SH3KBP1: variants seen among roughly 807,000 people sequenced by gnomAD.
The protein encoded by SH3KBP1 is SH3 domain containing kinase binding protein 1.
Under a neutral mutation model 50.1 loss-of-function variants are expected in SH3KBP1, and 8 were observed. That is an observed-to-expected ratio of 0.16 (90% CI 0.09 to 0.29). SH3KBP1 has a LOEUF of 0.29. Among genes scored for constraint, SH3KBP1 ranks in the 10% least tolerant of loss-of-function variants. The pLI, the probability that SH3KBP1 is intolerant of heterozygous loss-of-function variation, is 1.00. For synonymous variants in SH3KBP1, 227 were observed against 218.6 expected (o/e 1.04, Z -0.34); for missense variants, 377 against 535.2 (o/e 0.70, Z 2.92).
intron 6 of SH3KBP1, among the ~76,000 whole-genome samples, chrX:19,664,256 A>G (rs765892550): frequency 8.1e-5 from 9 of 111,579 alleles, no homozygotes; most frequent in Admixed American, 2.9e-4. Context: ...TAATTTCTTA[A>G]CCATCTTCAC....
chrX:19,760,041 C>CT lies in SH3KBP1; in HGVS notation c.163-13601_163-13600insA, dbSNP rs1472663912. Among the ~76,000 whole-genome samples, 53 of 50,438 alleles carry CT rather than the reference C, an allele frequency of 1.1e-3. 1 individual carries two copies. Among genetic ancestry groups the CT allele is most frequent in the African/African-American group, 3.5e-3 (38 of 10,752 alleles). The allele number at this position is 50,438 out of a possible 115,157, so 43.8% of individuals were successfully genotyped here. A position where few individuals can be genotyped will look rare whatever the true frequency, so the allele number is the denominator to read the frequency against. ...TCTCTCTCCTCTCTCTCTCTCTCTC[C>CT]CTCTCTCTCTCTCTCTCTCTCTCTC... On this transcript the variant is annotated intron_variant, in intron 2 of 17. Coordinates refer to ENST00000397821, the MANE Select transcript of SH3KBP1 (RefSeq NM_031892.3).
chrX:19,841,907 C>T (rs757521005), intron 1 of SH3KBP1, among the ~76,000 whole-genome samples: 1 of 6,409 alleles, frequency 1.6e-4, no homozygotes, highest in Non-Finnish European at 3.7e-4. Flanking sequence ...ACCATTGATG[C>T]GGGCGGGGGG....
At position 19,585,884 on chromosome X, in the gene SH3KBP1, G is replaced by A. The variant is rs762193025; in HGVS notation, c.1298+2759C>T. Among the ~76,000 whole-genome samples the A allele has an allele frequency of 2.9e-4, 32 of 111,709 alleles. No homozygotes were observed. The South Asian group carries it at 3.8e-3, about 13-fold the overall frequency. On this transcript the variant is annotated intron_variant, in intron 12 of 17. Transcript: ENST00000397821. ...AGCAGGCACTGCCCTCCCTTAAACC[G>A]GCTAAGCAGGAATCTCAGGGCTTTC...
intron 2 of SH3KBP1, among the ~76,000 whole-genome samples, chrX:19,754,089 C>G (rs1260872918): frequency 1.8e-5 from 2 of 112,445 alleles, no homozygotes; most frequent in Non-Finnish European, 3.8e-5. Flanking sequence ...CAATCTTTAA[C>G]TGCATATTTG....
At chrX:19,754,097 T>G (rs183248475) in intron 2 of SH3KBP1, among the ~76,000 whole-genome samples, 1 of 112,542 alleles carries the variant, frequency 8.9e-6, no homozygotes, top group Non-Finnish European at 1.9e-5. Context: ...AACTGCATAT[T>G]TGCAATATCA....
intron 5 of SH3KBP1, 105 bp downstream of exon 5, chrX:19,695,507 C>T (rs1374821159): frequency 6.1e-6 from 6 of 990,791 alleles, no homozygotes; most frequent in South Asian, 2.2e-5. Flanking sequence ...TACTCGTAAG[C>T]GTTTACTATA....
intron 8 of SH3KBP1, 84 bp downstream of exon 8, chrX:19,631,780 A>G: frequency 1.9e-6 from 1 of 528,877 alleles, no homozygotes; most frequent in East Asian, 3.7e-5. Flanking sequence ...CAAGCTTTCA[A>G]GCGCTGAAGC....
At chrX:19,803,751 A>AAAAAT (rs1470545334) in intron 2 of SH3KBP1, among the ~76,000 whole-genome samples, 5 of 111,702 alleles carry the variant, frequency 4.5e-5, no homozygotes, top group Non-Finnish European at 5.6e-5. Flanking sequence ...AGTTATCAAA[A>AAAAAT]AAAATAAAAT....
intron 6 of SH3KBP1, among the ~76,000 whole-genome samples, chrX:19,675,146 G>A (rs1033377435): frequency 2.7e-5 from 3 of 110,844 alleles, no homozygotes; most frequent in Non-Finnish European, 5.7e-5. Context: ...TCATTTATAG[G>A]TACTCTTTCT....
rs565972832 is a variant in SH3KBP1 at position 19,863,005 on chromosome X, C to G, written c.4+24302G>C. ...AATCTAGAAATAACAGCAGTCTGCC[C>G]CCTTCAGAGAAGAGGCCCAGGACTG... On this transcript the variant is annotated intron_variant, in intron 1 of 17. Coordinates refer to ENST00000397821, the MANE Select transcript of SH3KBP1 (RefSeq NM_031892.3). Among the ~76,000 whole-genome samples the G allele has an allele frequency of 1.3e-4, 14 of 111,937 alleles. No individual in the cohort carries two copies. The South Asian group carries it at 5.2e-3, about 41-fold the overall frequency.
At chrX:19,719,699 A>G (rs746724335) in intron 3 of SH3KBP1, among the ~76,000 whole-genome samples, 2 of 109,106 alleles carry the variant, frequency 1.8e-5, no homozygotes, top group East Asian at 5.8e-4. Context: ...TCTTCACTTA[A>G]AGCATTAAAG....
chrX:19,643,899 T>A (rs981728394), intron 7 of SH3KBP1, among the ~76,000 whole-genome samples: 1 of 111,847 alleles, frequency 8.9e-6, no homozygotes, highest in Non-Finnish European at 1.9e-5. Context: ...AGGAATAAAA[T>A]GACTTGCCCA....
At chrX:19,714,189 G>T (rs2063847517) in intron 3 of SH3KBP1, among the ~76,000 whole-genome samples, 1 of 112,204 alleles carries the variant, frequency 8.9e-6, no homozygotes, top group Non-Finnish European at 1.9e-5. Flanking sequence ...CAGAGGCTAG[G>T]AAGGGTAGTG....
At chrX:19,817,227 T>G (rs2067383829) in intron 2 of SH3KBP1, among the ~76,000 whole-genome samples, 3 of 112,402 alleles carry the variant, frequency 2.7e-5, no homozygotes, top group Non-Finnish European at 3.8e-5. Context: ...CTCTTCTTTT[T>G]CAAAATTGTT....
At position 19,537,576 on chromosome X, in the gene SH3KBP1, C is replaced by T. The variant is rs990572210; in HGVS notation, c.1956+141G>A. The T allele has an allele frequency of 1.2e-5, 6 of 518,036 alleles. No individual in the cohort carries two copies. In the East Asian group the frequency reaches 1.4e-4, roughly 12 times the overall value. The allele number at this position is 518,036 out of a possible 1,213,427, so 42.7% of individuals were successfully genotyped here. ...GGAAACGATATGTAGTAAGCCCATA[C>T]GATTCTAAGAAGATGGTCACAGGAA... On this transcript the variant is annotated intron_variant, in intron 17 of 17. Transcript: ENST00000397821.
At chrX:19,745,686 C>A (rs1284244224) in intron 3 of SH3KBP1, among the ~76,000 whole-genome samples, 1 of 111,698 alleles carries the variant, frequency 9.0e-6, no homozygotes, top group Non-Finnish European at 1.9e-5. Context: ...TGAGTGGGGT[C>A]GTCTCTGCAG....
chrX:19,632,488 C>G (rs1052199025), intron 7 of SH3KBP1, among the ~76,000 whole-genome samples: 1 of 112,726 alleles, frequency 8.9e-6, no homozygotes, highest in African/African-American at 3.2e-5. Flanking sequence ...TATGTAAGCA[C>G]ATGCCAACCA....
chrX:19,582,662 C>T (rs2066414063), intron 12 of SH3KBP1, among the ~76,000 whole-genome samples: 1 of 111,562 alleles, frequency 9.0e-6, no homozygotes, highest in Non-Finnish European at 1.9e-5. Context: ...GGCCTCACTT[C>T]CTCTCCTTCA....
intron 15 of SH3KBP1, among the ~76,000 whole-genome samples, chrX:19,543,892 C>T (rs969190235): frequency 6.3e-5 from 7 of 110,998 alleles, no homozygotes; most frequent in African/African-American, 2.0e-4. Context: ...AACAAGGGAG[C>T]TGGGAGGCAG....
Sources: gnomAD v4.1 joint callset for allele counts (sites outside exome capture counted in the v4.1 genomes callset) on GRCh38, gnomAD v4.1.1 for gene constraint, MANE v1.5 for transcripts, NCBI Gene and HGNC (gene_info 2026-07-23, HGNC 2026-07-21) for gene names.